Variants in PDE7B observed in about 807,000 individuals in gnomAD.
PDE7B encodes phosphodiesterase 7B.
PDE7B carries 29 observed loss-of-function variants against 56.2 expected under a neutral mutation model. The ratio of observed to expected loss-of-function variants is 0.52; its 90% CI spans 0.38 to 0.70. The LOEUF is 0.70. Ranked by LOEUF, PDE7B falls within the 30% of genes least tolerant of loss-of-function variation. PDE7B has a pLI of 0.00. For missense variants in PDE7B, 490 were observed against 565.0 expected (o/e 0.87, Z 1.35); for synonymous variants, 197 against 196.9 (o/e 1.00, Z 0.00).
chr6:135,928,465 T>TTTATATA (rs1774231483), intron 1 of PDE7B, among the ~76,000 whole-genome samples: 1 of 75,562 alleles, frequency 1.3e-5, no homozygotes, highest in Non-Finnish European at 2.6e-5. Context: ...ATATATATAT[T>TTTATATA]TATTTATATA....
intron 2 of PDE7B, among the ~76,000 whole-genome samples, chr6:136,096,445 C>T (rs1384073922): frequency 6.7e-6 from 1 of 148,574 alleles, no homozygotes; most frequent in Non-Finnish European, 1.5e-5. Context: ...TATTTATTCT[C>T]ATCAATGTGC....
At chr6:136,047,458 TCTC>T (rs950464527) in intron 2 of PDE7B, 5 of 152,180 alleles carry the variant, frequency 3.3e-5, no homozygotes, top group Admixed American at 6.5e-5. Context: ...TGAGAGCTCT[TCTC>T]CTCCTTTCTT....
chr6:136,065,520 G>T (rs571678992), intron 2 of PDE7B, among the ~76,000 whole-genome samples: 1 of 152,276 alleles, frequency 6.6e-6, no homozygotes, highest in South Asian at 2.1e-4. Context: ...CAGGGTGCCA[G>T]GAATATTGCT....
At chr6:135,910,053 G>A (rs537199663) in intron 1 of PDE7B, among the ~76,000 whole-genome samples, 48 of 152,316 alleles carry the variant, frequency 3.2e-4, no homozygotes, top group African/African-American at 1.0e-3. Flanking sequence ...TAGTGTCTGT[G>A]GGAATAGGTG....
chr6:136,048,089 TAGAC>T (rs66718715), intron 2 of PDE7B, among the ~76,000 whole-genome samples: 50,116 of 149,438 alleles, frequency 0.34, 9,235 homozygotes, highest in South Asian at 0.48. Context: ...GATAGATAGA[TAGAC>T]AGACAGACAG....
intron 1 of PDE7B, among the ~76,000 whole-genome samples, chr6:135,939,843 A>G (rs913306410): frequency 6.6e-6 from 1 of 152,186 alleles, no homozygotes; most frequent in South Asian, 2.1e-4. Context: ...TCAGCTTGGT[A>G]TCCTCTTTGG....
intron 2 of PDE7B, among the ~76,000 whole-genome samples, chr6:135,963,334 A>T (rs1036204919): frequency 6.6e-6 from 1 of 152,206 alleles, no homozygotes; most frequent in Non-Finnish European, 1.5e-5. Context: ...AATTGGACCC[A>T]AAAGGCATAG....
intron 1 of PDE7B, among the ~76,000 whole-genome samples, chr6:135,906,827 T>TTTTTTGTTTTTTTTTTTTTG (rs1231419195): frequency 0.02 from 2,676 of 133,194 alleles, 112 homozygotes; most frequent in Non-Finnish European, 0.029. Flanking sequence ...TTTTTTTTTT[T>TTTTTTGTTTTTTTTTTTTTG]TTTTTTTTTA....
chr6:136,037,798 C>A (rs1776349452), intron 2 of PDE7B: 1 of 985,264 alleles, frequency 1.0e-6, no homozygotes, highest in African/African-American at 1.7e-5. Flanking sequence ...AGCTAAGAGT[C>A]AACAAACTTT....
At chr6:136,159,372 A>T (rs1418987211) in intron 8 of PDE7B, among the ~76,000 whole-genome samples, 1 of 152,162 alleles carries the variant, frequency 6.6e-6, no homozygotes, top group Non-Finnish European at 1.5e-5. Context: ...CTGTTCCATA[A>T]AGTTTCTGCC....
chr6:135,980,114 C>G (rs201391005), intron 2 of PDE7B, among the ~76,000 whole-genome samples: 7 of 150,066 alleles, frequency 4.7e-5, no homozygotes, highest in Admixed American at 1.3e-4. Context: ...TGGAACAGAA[C>G]AGAGCCCTCA....
Position 136,173,904 on chromosome 6 carries a change from A to G in PDE7B, c.803+16A>G, listed in dbSNP as rs541156213. The G allele has an allele frequency of 3.8e-6, 6 of 1,571,088 alleles. No individual in the cohort carries two copies. In the African/African-American group the frequency reaches 5.4e-5, roughly 14 times the overall value. On this transcript the variant is annotated intron_variant, in intron 9 of 12. Coordinates refer to ENST00000308191, the MANE Select transcript of PDE7B (RefSeq NM_018945.4). ...AGGAAATGACGTAAGTGCTGCCGAG[A>G]TGAAACATACTGATGTGCATGCAGT...
chr6:136,104,009 C>T (rs937856435), intron 2 of PDE7B, among the ~76,000 whole-genome samples: 2 of 152,128 alleles, frequency 1.3e-5, no homozygotes, highest in South Asian at 2.1e-4. Context: ...CCAGAGGCAG[C>T]GTGAGAGGCC....
chr6:136,119,116 A>C (rs1777886750), intron 3 of PDE7B, among the ~76,000 whole-genome samples: 1 of 152,212 alleles, frequency 6.6e-6, no homozygotes, highest in African/African-American at 2.4e-5. Flanking sequence ...AGCTGCCACC[A>C]GTTGCTTTAA....
At chr6:135,900,093 C>T (rs866109405) in intron 1 of PDE7B, among the ~76,000 whole-genome samples, 13 of 151,884 alleles carry the variant, frequency 8.6e-5, no homozygotes, top group Admixed American at 2.0e-4. Flanking sequence ...ACTTTTCCCC[C>T]GTGTGTTCTG....
At position 135,926,833 on chromosome 6, in the gene PDE7B, CCTA is replaced by C. The variant is rs200828826; in HGVS notation, c.22-20628_22-20626del. On this transcript the variant is annotated intron_variant, in intron 1 of 12. Transcript: ENST00000308191. ...TTTTCCTTATCTTTTCCTGCATAAA[CCTA>C]CTGAACAAAGAAGAAAAATCAGCAG... is the stretch of plus-strand genomic sequence containing the variant. Among the ~76,000 whole-genome samples, 1,328 of 152,180 alleles carry C rather than the reference CCTA, an allele frequency of 8.7e-3. 19 individuals are homozygous for C. The highest frequency in any genetic ancestry group is 0.03 in the African/African-American group (1,261 of 41,514).
At chr6:136,144,760 G>A (rs1372584326) in intron 3 of PDE7B, among the ~76,000 whole-genome samples, 2 of 152,230 alleles carry the variant, frequency 1.3e-5, no homozygotes, top group Non-Finnish European at 2.9e-5. Flanking sequence ...GTTTTGTGAA[G>A]TGTCCTTCAA....
intron 3 of PDE7B, among the ~76,000 whole-genome samples, chr6:136,140,530 C>G (rs541990741): frequency 9.2e-5 from 14 of 152,200 alleles, no homozygotes; most frequent in South Asian, 2.1e-4. Context: ...AGCTTGATGG[C>G]AATGGCATTG....
At chr6:136,170,630 T>C (rs1392693676) in intron 8 of PDE7B, among the ~76,000 whole-genome samples, 1 of 152,132 alleles carries the variant, frequency 6.6e-6, no homozygotes, top group African/African-American at 2.4e-5. Context: ...AACTGAGTAA[T>C]TTACAAGGAA....
Sources: gnomAD v4.1 joint callset for allele counts (sites outside exome capture counted in the v4.1 genomes callset) on GRCh38, gnomAD v4.1.1 for gene constraint, MANE v1.5 for transcripts, NCBI Gene and HGNC (gene_info 2026-07-23, HGNC 2026-07-21) for gene names.